Variants in AMZ1 observed in about 807,000 individuals in gnomAD.
AMZ1 encodes the protein archaemetzincin-1.
A neutral mutation model predicts 29.9 loss-of-function variants in AMZ1; 39 were observed. That is an observed-to-expected ratio of 1.30 (90% confidence interval 1.01 to 1.70). The LOEUF (loss-of-function observed/expected upper bound fraction) is 1.70, where lower values mean the gene tolerates loss of function less well. Ranked by LOEUF, AMZ1 falls within the 40% of genes most tolerant of loss-of-function variation. The pLI, the probability that AMZ1 is intolerant of heterozygous loss-of-function variation, is 0.00. For synonymous variants in AMZ1, 458 were observed against 304.0 expected (o/e 1.51, Z -5.27); for missense variants, 1,041 against 680.6 (o/e 1.53, Z -5.89).
At chr7:2,710,449 A>T (rs60925902) in intron 6 of AMZ1, among the ~76,000 whole-genome samples, 15,234 of 152,326 alleles carry the variant, frequency 0.1, 1,556 homozygotes, top group East Asian at 0.56. Flanking sequence ...TACAGGCACC[A>T]GAGCAGTCAA....
intron 4 of AMZ1, among the ~76,000 whole-genome samples, chr7:2,740,238 C>A (rs1790430987): frequency 6.6e-6 from 1 of 152,260 alleles, no homozygotes; most frequent in African/African-American, 2.4e-5. Context: ...TTATAGACTG[C>A]ATGTTTGTAT....
At chr7:2,737,289 G>GTTTTTTTTTTTTTTTTTTTTTTTTTTTTT (rs11389467) in intron 4 of AMZ1, among the ~76,000 whole-genome samples, 1 of 62,276 alleles carries the variant, frequency 1.6e-5, no homozygotes, top group African/African-American at 5.5e-5. Context: ...TTTTTTTTTT[G>GTTTTTTTTTTTTTTTTTTTTTTTTTTTTT]TTTTTTTTTT....
intron 3 of AMZ1, among the ~76,000 whole-genome samples, chr7:2,707,925 G>A (rs1258715415): frequency 3.7e-5 from 5 of 134,628 alleles, no homozygotes; most frequent in Middle Eastern, 7.6e-3. Flanking sequence ...CTGGGTTCAA[G>A]CAATTCTCCC....
At chr7:2,695,573 C>A (rs563802903) in intron 1 of AMZ1, among the ~76,000 whole-genome samples, 3 of 147,692 alleles carry the variant, frequency 2.0e-5, no homozygotes, top group Admixed American at 6.8e-5. Flanking sequence ...ATTGACTGGG[C>A]GTGTTGGTAC....
At chr7:2,729,269 G>C (rs758935534) in intron 4 of AMZ1, 4 of 152,370 alleles carry the variant, frequency 2.6e-5, no homozygotes, top group Non-Finnish European at 4.4e-5. Flanking sequence ...GCTCCGGACC[G>C]GGCTGCGCGT....
In AMZ1 at chr7:2,700,314, T is replaced by C. The variant is rs891829989; in HGVS notation, c.-138T>C. The C allele has an allele frequency of 1.9e-4, 188 of 984,694 alleles. No homozygotes were observed. The highest frequency in any genetic ancestry group is 2.7e-4 in the Non-Finnish European group (184 of 683,122). 61.0% of individuals were successfully genotyped at this position (984,694 alleles called of 1,614,324 possible). On this transcript the variant is annotated 5_prime_UTR_variant, in exon 2 of 7. Transcript: ENST00000683327. Reference sequence around the variant, plus strand: ...TGGGCCTTAAGGGCCCTTGGACCAGTGTCTGTCTGCAGGGAGCCCCCGGTA... The same window carrying C: ...TGGGCCTTAAGGGCCCTTGGACCAGCGTCTGTCTGCAGGGAGCCCCCGGTA...
Position 2,745,800 on chromosome 7 carries a change from G to A in AMZ1, n.551-18912G>A, listed in dbSNP as rs561633090. 1.1e-4 allele frequency among the ~76,000 whole-genome samples: 17 copies of A among 152,254 alleles called. 1 individual carries two copies. The highest frequency in any genetic ancestry group is 4.2e-4 in the South Asian group (2 of 4,804). ...ATCTCACGTGCAGAGACACACATAG[G>A]CTCAAAATAAAGGGATGCAGGAAGA... is the stretch of plus-strand genomic sequence containing the variant. On this transcript the variant is annotated intron_variant and non_coding_transcript_variant, in intron 4 of 4. Coordinates refer to the AMZ1 transcript ENST00000489665.
rs552249397 is a variant in AMZ1, at chr7:2,726,753, T to A, written n.550+16937T>A. 2.6e-5 allele frequency among the ~76,000 whole-genome samples: 4 copies of A among 152,368 alleles called. No individual in the cohort carries two copies. In the South Asian group the frequency reaches 8.3e-4, roughly 32 times the overall value. ...GGGCAAGAAGAGAGATGCCCCGTGA[T>A]GCCGAAGAGCAAGTTATGGTGGAGG... On this transcript the variant is annotated intron_variant and non_coding_transcript_variant, in intron 4 of 4. Transcript: ENST00000489665.
chr7:2,722,271 CG>C (rs1192687265), downstream of AMZ1, among the ~76,000 whole-genome samples: 3 of 143,330 alleles, frequency 2.1e-5, no homozygotes, highest in Non-Finnish European at 3.1e-5. Context: ...AAGGGCATTT[CG>C]AATTTTTTTT....
chr7:2,688,844 T>A (rs1787212292), intron 1 of AMZ1, among the ~76,000 whole-genome samples: 1 of 152,112 alleles, frequency 6.6e-6, no homozygotes, highest in African/African-American at 2.4e-5. Flanking sequence ...CCTGCAGGGA[T>A]GTAAGACAGG....
In AMZ1 at chr7:2,718,497, C is replaced by T. The variant is rs1214015661; in HGVS notation, c.*5619C>T. On this transcript the variant is annotated 3_prime_UTR_variant, in exon 7 of 7. Transcript: ENST00000683327. ...TGAATGGGGACGTGTTTTGTTCAGC[C>T]CTGACTCTTGGACGCTGGTGGCAGC... Among the ~76,000 whole-genome samples, 1 of 152,226 alleles carries T rather than the reference C, an allele frequency of 6.6e-6. No homozygotes were observed. The highest frequency in any genetic ancestry group is 6.5e-5 in the Admixed American group (1 of 15,280).
intron 4 of AMZ1, among the ~76,000 whole-genome samples, chr7:2,735,507 G>A (rs1361677943): frequency 6.6e-6 from 1 of 152,152 alleles, no homozygotes; most frequent in Admixed American, 6.5e-5. Flanking sequence ...GCACCACAGA[G>A]GGCACAATCA....
chr7:2,757,750 A>G (rs925717544), intron 4 of AMZ1, among the ~76,000 whole-genome samples: 4 of 152,228 alleles, frequency 2.6e-5, no homozygotes, highest in African/African-American at 9.6e-5. Flanking sequence ...CATAAAGGAA[A>G]ATGTCATCTT....
In AMZ1 at chr7:2,717,663, A is replaced by G. The variant is rs182825167; in HGVS notation, c.*4785A>G. Reference sequence around the variant, plus strand: ...TAGGAAACACTTCCGGCTTGACTGTAAAGAGCCCTGGCCTGCGAACGCTGT... The same window carrying G: ...TAGGAAACACTTCCGGCTTGACTGTGAAGAGCCCTGGCCTGCGAACGCTGT... On this transcript the variant is annotated 3_prime_UTR_variant, in exon 7 of 7. Coordinates refer to ENST00000683327, the MANE Select transcript of AMZ1 (RefSeq NM_001384743.1). Among the ~76,000 whole-genome samples, 1 of 152,200 alleles carries G rather than the reference A, an allele frequency of 6.6e-6. No homozygotes were observed. Among genetic ancestry groups the G allele is most frequent in the Admixed American group, 6.5e-5 (1 of 15,270 alleles).
chr7:2,695,550 T>C (rs925923565), intron 1 of AMZ1, among the ~76,000 whole-genome samples: 3 of 107,268 alleles, frequency 2.8e-5, no homozygotes, highest in African/African-American at 1.2e-4. Flanking sequence ...GACTCTTCTC[T>C]ACAAAAAAAA....
upstream of AMZ1, among the ~76,000 whole-genome samples, chr7:2,760,954 C>T (rs1791526310): frequency 6.6e-6 from 1 of 152,226 alleles, no homozygotes; most frequent in Non-Finnish European, 1.5e-5. Flanking sequence ...TCCCCCTGTC[C>T]TTCCCACAGT....
chr7:2,695,127 C>A (rs948849979), intron 1 of AMZ1, among the ~76,000 whole-genome samples: 8 of 152,184 alleles, frequency 5.3e-5, no homozygotes, highest in African/African-American at 1.9e-4. Context: ...AGCCTCTGGC[C>A]CCGCTGCAAG....
Position 2,731,813 on chromosome 7 carries a change from C to A in AMZ1, n.550+21997C>A. On this transcript the variant is annotated intron_variant and non_coding_transcript_variant, in intron 4 of 4. Coordinates refer to the AMZ1 transcript ENST00000489665. This position sits in a 1 kb window ranked among gnomAD's most constrained non-coding sequence, Gnocchi z 6.0. The stretch of plus-strand genomic sequence containing the variant: ...GAAGAAAGAACAGAGAAAATAGAAA[C>A]AAAAAGATGGCAAAAAGATAAGAAG... The A allele has an allele frequency of 2.3e-6, 2 of 861,796 alleles. No individual in the cohort carries two copies. Among genetic ancestry groups the A allele is most frequent in the Non-Finnish European group, 3.4e-6 (2 of 592,768 alleles). 53.4% of individuals were successfully genotyped at this position (861,796 alleles called of 1,614,324 possible).
rs1789996691 is a variant in AMZ1, at chr7:2,733,363, A to G, written n.550+23547A>G. Reference sequence around the variant, plus strand: ...ACAAGCTCGGCCTGTCAGTCCAGCCAAAGTCCTCACAACGTGGACTGCTTT... The same window carrying G: ...ACAAGCTCGGCCTGTCAGTCCAGCCGAAGTCCTCACAACGTGGACTGCTTT... On this transcript the variant is annotated intron_variant and non_coding_transcript_variant, in intron 4 of 4. Coordinates refer to the AMZ1 transcript ENST00000489665. 13 of 1,074,714 alleles carry G rather than the reference A, an allele frequency of 1.2e-5. No homozygotes were observed. In the South Asian group the frequency reaches 1.6e-4, roughly 13 times the overall value. 66.6% of individuals were successfully genotyped at this position (1,074,714 alleles called of 1,614,324 possible).
Sources: allele counts gnomAD v4.1 joint callset (sites outside exome capture counted in the v4.1 genomes callset), GRCh38; gene constraint gnomAD v4.1.1; non-coding constraint Gnocchi (gnomAD v3.1); transcripts MANE v1.5; gene names NCBI Gene and HGNC (gene_info 2026-07-23, HGNC 2026-07-21).